CAPN2: variants seen among roughly 807,000 people sequenced by gnomAD.
CAPN2 encodes calpain 2.
A neutral mutation model predicts 102.3 loss-of-function variants in CAPN2; 92 were observed. The observed-to-expected ratio is 0.90, with a 90% CI of 0.76 to 1.07. The LOEUF (loss-of-function observed/expected upper bound fraction) is 1.07. CAPN2 is among the 50% of genes least tolerant of loss of function. The pLI, the probability that CAPN2 is intolerant of heterozygous loss-of-function variation, is 0.00. For missense variants in CAPN2, 800 were observed against 909.4 expected (o/e 0.88, Z 1.55); for synonymous variants, 340 against 355.4 (o/e 0.96, Z 0.49).
At chr1:223,710,028 A>T (rs1031340524), upstream of CAPN2, among the ~76,000 whole-genome samples, 1 of 152,138 alleles carries the variant, frequency 6.6e-6, no homozygotes, top group African/African-American at 2.4e-5. Context: ...TAATCCCAAC[A>T]CTTTGGGAAG....
At position 223,761,677 on chromosome 1, in the gene CAPN2, G is replaced by T; in HGVS notation, c.1566+60G>T. ...CCTGGACAATCCAGAGAGCAGAGGAGCAAAAAAACTCCAAGAGTTTTTGGA... is the reference window on the plus strand; with the variant it reads ...CCTGGACAATCCAGAGAGCAGAGGATCAAAAAAACTCCAAGAGTTTTTGGA... On this transcript the variant is annotated intron_variant, in intron 13 of 20. Transcript: ENST00000295006. 7 of 1,394,864 alleles carry T rather than the reference G, an allele frequency of 5.0e-6. No homozygotes were observed. In the South Asian group the frequency reaches 8.8e-5, roughly 17 times the overall value. The allele number at this position is 1,394,864 out of a possible 1,614,324, so 86.4% of individuals were successfully genotyped here.
chr1:223,746,966 G>T, intron 4 of CAPN2, 31 bp from the exon 5 acceptor site: 1 of 1,597,556 alleles, frequency 6.3e-7, no homozygotes, highest in African/African-American at 1.3e-5. Context: ...TAGTGTCAAG[G>T]GTAGCGGCAG....
At position 223,761,591 on chromosome 1, in the gene CAPN2, G is replaced by A. The variant is rs1231947907; in HGVS notation, c.1540G>A (p.Asp514Asn). Reference protein sequence around the residue: ...EKKADYQAVDDEIEANLEEFD... With the variant: ...EKKADYQAVDNEIEANLEEFD... ...TCCTTCTATTTCCAGAGCTGTCGAT[G>A]ATGAAATCGAGGCCAATCTTGAAGA... The change falls in exon 13 of 21, where the codon GAT (aspartate) becomes AAT (asparagine). Residue 514 changes from aspartate (D) to asparagine (N), a missense_variant. Physicochemically the swap from Asp to Asn is conservative, Grantham distance 23 (BLOSUM62 1). Transcript: ENST00000295006. 2 of 1,612,774 alleles carry A rather than the reference G, an allele frequency of 1.2e-6. No individual in the cohort carries two copies. Among genetic ancestry groups the A allele is most frequent in the African/African-American group, 1.3e-5 (1 of 74,896 alleles).
intron 2 of CAPN2, among the ~76,000 whole-genome samples, chr1:223,733,899 G>T (rs1017170666): frequency 3.3e-5 from 5 of 152,218 alleles, no homozygotes; most frequent in African/African-American, 9.6e-5. Flanking sequence ...TCTGCCATAG[G>T]CACAAACGTG....
chr1:223,764,260 G>C, intron 15 of CAPN2, 53 bp downstream of exon 15: 1 of 1,480,072 alleles, frequency 6.8e-7, no homozygotes, highest in Admixed American at 1.7e-5. Flanking sequence ...CTGTGGATGG[G>C]AGGGAACATG....
intron 2 of CAPN2, among the ~76,000 whole-genome samples, chr1:223,718,482 A>G (rs1043960332): frequency 1.3e-5 from 2 of 152,246 alleles, no homozygotes; most frequent in Admixed American, 6.5e-5. Context: ...TTCAACCCAC[A>G]GGGTTCTCCA....
chr1:223,770,011 G>C, intron 17 of CAPN2, 102 bp downstream of exon 17: 1 of 991,146 alleles, frequency 1.0e-6, no homozygotes, highest in Non-Finnish European at 1.6e-6. Flanking sequence ...CATTTCCAAG[G>C]GGATTGGGAT....
intron 2 of CAPN2, among the ~76,000 whole-genome samples, chr1:223,732,954 G>A (rs1203689929): frequency 6.6e-6 from 1 of 152,174 alleles, no homozygotes; most frequent in African/African-American, 2.4e-5. Context: ...AAGCAGCTGT[G>A]CCTACAAATA....
chr1:223,717,422 G>T (rs749669216), intron 1 of CAPN2, among the ~76,000 whole-genome samples: 32 of 152,146 alleles, frequency 2.1e-4, no homozygotes, highest in Non-Finnish European at 4.1e-4. Flanking sequence ...GGATAGGGTG[G>T]CTCTAGAGTG....
intron 2 of CAPN2, among the ~76,000 whole-genome samples, chr1:223,740,927 CA>C (rs1008816100): frequency 5.3e-5 from 8 of 152,170 alleles, no homozygotes; most frequent in Non-Finnish European, 8.8e-5. Context: ...GGTTATACAT[CA>C]AAAGCCTGTG....
upstream of CAPN2, among the ~76,000 whole-genome samples, chr1:223,709,661 CA>C (rs779362608): frequency 0.012 from 1,704 of 137,582 alleles, 35 homozygotes; most frequent in African/African-American, 0.041. Flanking sequence ...AACTCCATCT[CA>C]AAAAAAAAAA....
chr1:223,702,059 AAGGAAGGGAGGG>A (rs1413106987), intron 1 of CAPN2, among the ~76,000 whole-genome samples: 2 of 28,210 alleles, frequency 7.1e-5, no homozygotes, highest in Admixed American at 7.2e-4. Flanking sequence ...AGAAGGAAGG[AAGGAAGGGAGGG>A]AGGGAGGGAG....
upstream of CAPN2, among the ~76,000 whole-genome samples, chr1:223,708,495 G>A (rs144452599): frequency 1.6e-3 from 244 of 151,966 alleles, 1 homozygote; most frequent in African/African-American, 5.7e-3. Flanking sequence ...CAGGCCAGGC[G>A]CAGTGGCTCA....
At chr1:223,704,650 G>A (rs988177048) in intron 1 of CAPN2, among the ~76,000 whole-genome samples, 2 of 152,160 alleles carry the variant, frequency 1.3e-5, no homozygotes, top group African/African-American at 2.4e-5. Flanking sequence ...TGAGGGAAGG[G>A]AAATGAGAAG....
rs368043723 is a variant in CAPN2, at chr1:223,740,751, C to T, written c.308-3349C>T. 2.1e-4 allele frequency among the ~76,000 whole-genome samples: 32 copies of T among 152,302 alleles called. 1 individual carries two copies. The South Asian group carries it at 6.6e-3, about 32-fold the overall frequency. ...AGCACAGGTCTTTGAATAAATTTTG[C>T]TTCTAAGAGAAGTTACTATTTATTC... On this transcript the variant is annotated intron_variant, in intron 2 of 20. Coordinates refer to ENST00000295006, the MANE Select transcript of CAPN2 (RefSeq NM_001748.5).
At chr1:223,740,060 A>G (rs1411699674) in intron 2 of CAPN2, among the ~76,000 whole-genome samples, 1 of 152,164 alleles carries the variant, frequency 6.6e-6, no homozygotes, top group Non-Finnish European at 1.5e-5. Context: ...GTAGATTCTG[A>G]CCTTGATGGG....
Position 223,759,349 on chromosome 1 carries a change from T to G in CAPN2, c.1397T>G (p.Ile466Ser). ...NRARERSDTF[I>S]NLREVLNRFK... is the part of the protein sequence containing the mutation. ...GCCAGGGAGCGCTCAGACACCTTCA[T>G]CAACCTCCGGGAGGTGCTCAACCGC... Residue 466 changes from isoleucine to serine, a missense_variant, in exon 12 of 21, where the codon ATC becomes AGC. Transcript: ENST00000295006. This position sits in a 1 kb window ranked among gnomAD's most constrained non-coding sequence, Gnocchi z 4.6. The G allele has an allele frequency of 2.5e-6, 4 of 1,614,230 alleles. No homozygotes were observed. The highest frequency in any genetic ancestry group is 8.5e-7 in the Non-Finnish European group (1 of 1,180,044).
At chr1:223,711,426 T>C (rs1571776102), upstream of CAPN2, among the ~76,000 whole-genome samples, 2 of 152,340 alleles carry the variant, frequency 1.3e-5, no homozygotes, top group South Asian at 4.1e-4. Flanking sequence ...CTCCCTATAG[T>C]AACCCAACTA....
At chr1:223,766,545 T>G in intron 16 of CAPN2, 114 bp downstream of exon 16, 2 of 815,860 alleles carry the variant, frequency 2.5e-6, no homozygotes, top group Non-Finnish European at 4.1e-6. Flanking sequence ...GTTCCCAACT[T>G]GCTGAGTTGC....
Sources: gnomAD v4.1 joint callset for allele counts (sites outside exome capture counted in the v4.1 genomes callset) on GRCh38, gnomAD v4.1.1 for gene constraint, Gnocchi (gnomAD v3.1) non-coding constraint, MANE v1.5 for transcripts, NCBI Gene and HGNC (gene_info 2026-07-23, HGNC 2026-07-21) for gene names.